Variants in ANAPC1 observed in about 807,000 individuals in gnomAD.
ANAPC1 encodes anaphase-promoting complex subunit 1.
ANAPC1 carries 36 observed loss-of-function variants against 208.0 expected under a neutral mutation model. The ratio of observed to expected loss-of-function variants is 0.17; its 90% CI spans 0.13 to 0.23. The LOEUF (loss-of-function observed/expected upper bound fraction) is 0.23, where lower values mean the gene tolerates loss of function less well. ANAPC1 is among the 10% of genes least tolerant of loss of function. ANAPC1 has a pLI of 1.00. For missense variants in ANAPC1, 942 were observed against 2,011.6 expected, an observed-to-expected ratio of 0.47 and a Z score of 10.17; for synonymous variants, 378 against 695.2, an observed-to-expected ratio of 0.54 and a Z score of 7.18.
chr2:111,882,190 A>T (rs1368755297), intron 1 of ANAPC1, among the ~76,000 whole-genome samples: 2 of 151,814 alleles, frequency 1.3e-5, no homozygotes, highest in East Asian at 3.9e-4. Context: ...TCTCAAAAAA[A>T]AAACCAAAAG....
intron 28 of ANAPC1, among the ~76,000 whole-genome samples, chr2:111,812,959 A>G (rs1226630984): frequency 1.8e-5 from 2 of 109,898 alleles, no homozygotes; most frequent in South Asian, 6.7e-4. Context: ...GGCCCTGTCC[A>G]ATCTGTAAGG....
In ANAPC1 at chr2:111,843,593, G is replaced by A. The variant is rs144034109; in HGVS notation, c.1859C>T (p.Thr620Met). 47 of 1,608,752 alleles carry A rather than the reference G, an allele frequency of 2.9e-5. No homozygotes were observed. The highest frequency in any genetic ancestry group is 2.9e-4 in the East Asian group (13 of 44,808). The change falls in exon 17 of 48, where the codon ACG (threonine) becomes ATG (methionine). Residue 620 changes from threonine (T) to methionine (M), a missense_variant. Transcript: ENST00000341068. ...PEIATSELVQ[T>M]CLQAIKFILP... is the part of the protein sequence containing the mutation. Reference sequence around the variant, plus strand: ...GATAAACTTAATTGCTTGCAAACACGTTTGTACTATTAAAAGCAAAGATTA... The same window carrying A: ...GATAAACTTAATTGCTTGCAAACACATTTGTACTATTAAAAGCAAAGATTA...
intron 18 of ANAPC1, among the ~76,000 whole-genome samples, chr2:111,838,226 C>T (rs1680579675): frequency 6.6e-6 from 1 of 152,202 alleles, no homozygotes; most frequent in East Asian, 1.9e-4. Flanking sequence ...TGAAATCATG[C>T]AGTAATACAT....
chr2:111,768,576 A>G lies in ANAPC1; in HGVS notation c.*715T>C, dbSNP rs1676553154. On this transcript the variant is annotated 3_prime_UTR_variant, in exon 48 of 48. Coordinates refer to ENST00000341068, the MANE Select transcript of ANAPC1 (RefSeq NM_022662.4). ...TCACATGGCAGAGAGAGAAAGAAAAATCTCTCTTCCTCTGCTTAGGAGGCC... is the reference window on the plus strand; with the variant it reads ...TCACATGGCAGAGAGAGAAAGAAAAGTCTCTCTTCCTCTGCTTAGGAGGCC... 6.7e-6 allele frequency: 1 copy of G among 148,540 alleles called. No homozygotes were observed. The highest frequency in any genetic ancestry group is 6.7e-5 in the Admixed American group (1 of 14,964). 9.2% of individuals were successfully genotyped at this position (148,540 alleles called of 1,614,324 possible). A position where few individuals can be genotyped will look rare whatever the true frequency, so the allele number is the denominator to read the frequency against.
intron 17 of ANAPC1, among the ~76,000 whole-genome samples, chr2:111,839,935 C>T (rs530479714): frequency 5.3e-5 from 8 of 151,940 alleles, no homozygotes; most frequent in Admixed American, 5.3e-4. Context: ...TCCTATGGAC[C>T]CTTACCCTTC....
chr2:111,864,028 A>G (rs1682248178), intron 8 of ANAPC1, 133 bp from the exon 9 acceptor site: 2 of 1,175,150 alleles, frequency 1.7e-6, no homozygotes, highest in South Asian at 1.7e-5. Flanking sequence ...AAGAAGCTCA[A>G]TCTATTTCTC....
At chr2:111,826,670 T>TTA (rs1558696205) in intron 21 of ANAPC1, among the ~76,000 whole-genome samples, 16 of 147,612 alleles carry the variant, frequency 1.1e-4, no homozygotes, top group African/African-American at 3.7e-4. Context: ...TATTTATTTT[T>TTA]TTTTTTTTTG....
intron 16 of ANAPC1, 21 bp from the exon 17 acceptor site, chr2:111,843,620 T>C: frequency 1.3e-6 from 2 of 1,588,352 alleles, no homozygotes; most frequent in Non-Finnish European, 1.7e-6. Flanking sequence ...CAAAGATTAA[T>C]TTTAGTATTC....
At chr2:111,789,220 T>A (rs1677744102) in intron 38 of ANAPC1, among the ~76,000 whole-genome samples, 1 of 151,894 alleles carries the variant, frequency 6.6e-6, no homozygotes, top group African/African-American at 2.4e-5. Context: ...TGATACACTT[T>A]TAAGATAAAG....
intron 16 of ANAPC1, among the ~76,000 whole-genome samples, chr2:111,846,771 T>A (rs75170431): frequency 6.6e-6 from 1 of 151,812 alleles, no homozygotes; most frequent in Non-Finnish European, 1.5e-5. Context: ...GGTTTCACCA[T>A]GTTGGCCAGG....
At chr2:111,880,249 G>GT (rs1168833383) in intron 2 of ANAPC1, among the ~76,000 whole-genome samples, 1 of 151,928 alleles carries the variant, frequency 6.6e-6, no homozygotes, top group East Asian at 1.9e-4. Flanking sequence ...GTGCATGCCT[G>GT]TAATCCCAGC....
intron 3 of ANAPC1, among the ~76,000 whole-genome samples, chr2:111,876,170 A>G (rs1683014656): frequency 6.6e-6 from 1 of 152,078 alleles, no homozygotes; most frequent in Non-Finnish European, 1.5e-5. Context: ...CAGGAGGATC[A>G]CTAGAGCCCA....
intron 18 of ANAPC1, among the ~76,000 whole-genome samples, chr2:111,836,764 T>C (rs1016388444): frequency 1.3e-5 from 2 of 152,022 alleles, no homozygotes; most frequent in African/African-American, 4.8e-5. Flanking sequence ...GGCCAGGAGT[T>C]TGAGACCAGA....
intron 34 of ANAPC1, among the ~76,000 whole-genome samples, chr2:111,799,570 T>TTCCTTTG (rs1678339608): frequency 1.4e-5 from 2 of 144,716 alleles, no homozygotes; most frequent in African/African-American, 5.1e-5. Flanking sequence ...AAATGCTCAT[T>TTCCTTTG]GAAGTATTTC....
At chr2:111,823,928 T>C (rs1184978662) in intron 24 of ANAPC1, among the ~76,000 whole-genome samples, 2 of 147,134 alleles carry the variant, frequency 1.4e-5, no homozygotes, top group East Asian at 3.9e-4. Flanking sequence ...CTCACTTTAG[T>C]ACCATTCTCT....
chr2:111,783,210 T>C (rs1356276720), intron 42 of ANAPC1, among the ~76,000 whole-genome samples: 2 of 152,350 alleles, frequency 1.3e-5, no homozygotes, highest in East Asian at 3.9e-4. Context: ...CTTTTGTGCA[T>C]GTACAAATCA....
chr2:111,856,791 A>G lies in ANAPC1; in HGVS notation c.1449+5T>C, dbSNP rs541163126. 2.5e-6 allele frequency: 4 copies of G among 1,613,558 alleles called. No individual in the cohort carries two copies. Among genetic ancestry groups the G allele is most frequent in the East Asian group, 2.2e-5 (1 of 44,880 alleles). Reference sequence around the variant, plus strand: ...TTGTCAACTTCTCAAATGTGCCTACATTACCTCCACTGGTGCTGCATCCTT... The same window carrying G: ...TTGTCAACTTCTCAAATGTGCCTACGTTACCTCCACTGGTGCTGCATCCTT... On this transcript the variant is annotated splice_donor_5th_base_variant and intron_variant, in intron 12 of 47. Transcript: ENST00000341068.
At chr2:111,806,723 G>C (rs1443771699) in intron 29 of ANAPC1, among the ~76,000 whole-genome samples, 5 of 150,884 alleles carry the variant, frequency 3.3e-5, no homozygotes, top group Non-Finnish European at 5.9e-5. Context: ...TAGAATTTCT[G>C]TGTACTGATC....
chr2:111,787,426 G>A lies in ANAPC1; in HGVS notation c.4799+808C>T, dbSNP rs539593763. ...GTAAAACAGCTATCTTTCTTCTGTC[G>A]TTGGTTATACATTGTAGTGTAGTTT... On this transcript the variant is annotated intron_variant, in intron 39 of 47. Coordinates refer to ENST00000341068, the MANE Select transcript of ANAPC1 (RefSeq NM_022662.4). 7.3e-5 allele frequency among the ~76,000 whole-genome samples: 11 copies of A among 150,958 alleles called. No individual in the cohort carries two copies. In the East Asian group the frequency reaches 1.6e-3, roughly 22 times the overall value.
Sources: allele counts gnomAD v4.1 joint callset (sites outside exome capture counted in the v4.1 genomes callset), GRCh38; gene constraint gnomAD v4.1.1; transcripts MANE v1.5; gene names NCBI Gene and HGNC (gene_info 2026-07-23, HGNC 2026-07-21).